Variants in PTPRU observed in about 807,000 individuals in gnomAD.
PTPRU encodes protein tyrosine phosphatase receptor type U.
In PTPRU, 69 loss-of-function variants were observed where a neutral mutation model predicts 166.3. The observed-to-expected ratio is 0.41, with a 90% CI of 0.34 to 0.51. The LOEUF (loss-of-function observed/expected upper bound fraction) is 0.51, where lower values mean the gene tolerates loss of function less well. Among genes scored for constraint, PTPRU ranks in the 20% least tolerant of loss-of-function variants. The probability of loss-of-function intolerance (pLI) is 0.09; values close to 1 mark genes in which losing one functional copy is unlikely to be tolerated. For synonymous variants in PTPRU, 793 were observed against 814.0 expected (o/e 0.97, Z 0.44); for missense variants, 1,657 against 2,013.7 (o/e 0.82, Z 3.39).
chr1:29,303,369 C>T (rs1254091241), intron 15 of PTPRU, among the ~76,000 whole-genome samples: 1 of 152,198 alleles, frequency 6.6e-6, no homozygotes, highest in Non-Finnish European at 1.5e-5. Context: ...AGGAGAAAGG[C>T]GCCTATTCGG....
At chr1:29,306,632 A>G (rs1687402215) in intron 18 of PTPRU, among the ~76,000 whole-genome samples, 1 of 152,052 alleles carries the variant, frequency 6.6e-6, no homozygotes, top group Admixed American at 6.5e-5. Context: ...GGGTGGCTGG[A>G]GAGGAGAGGG....
intron 16 of PTPRU, 46 bp from the exon 17 acceptor site, chr1:29,304,728 G>GTCCATCC: frequency 6.9e-7 from 1 of 1,451,320 alleles, no homozygotes; most frequent in Non-Finnish European, 9.5e-7. Flanking sequence ...GGGGCCCTCA[G>GTCCATCC]TGAGGGTCCC....
chr1:29,309,743 A>G (rs75978936), intron 18 of PTPRU, among the ~76,000 whole-genome samples: 3,621 of 152,290 alleles, frequency 0.024, 140 homozygotes, highest in African/African-American at 0.082. Flanking sequence ...ACAGCTAGTG[A>G]GAGGTAGAGC....
chr1:29,269,640 C>G lies in PTPRU; in HGVS notation c.1145-5808C>G, dbSNP rs112754103. 1.0e-2 allele frequency among the ~76,000 whole-genome samples: 1,516 copies of G among 152,182 alleles called. 33 individuals are homozygous for G. The highest frequency in any genetic ancestry group is 0.035 in the African/African-American group (1,433 of 41,524). On this transcript the variant is annotated intron_variant, in intron 7 of 29. Transcript: ENST00000373779. ...TGGCCGGCAGTTGTTTTGCTGTTGGCCAGCTGTGTTGTCATCTCCTCCATC... is the reference window on the plus strand; with the variant it reads ...TGGCCGGCAGTTGTTTTGCTGTTGGGCAGCTGTGTTGTCATCTCCTCCATC...
Position 29,317,667 on chromosome 1 carries a change from G to A in PTPRU, c.3514-81G>A. ...TCCATAAAATGGGATTAGTAACTCA[G>A]TCCAGCCTCCTTCATGGGGATGTGA... is the stretch of plus-strand genomic sequence containing the variant. On this transcript the variant is annotated intron_variant, in intron 24 of 29. Transcript: ENST00000373779. The surrounding 1 kb of genome is among the most constrained non-coding windows in gnomAD (Gnocchi z 5.6). The A allele has an allele frequency of 7.0e-7, 1 of 1,437,156 alleles. No individual in the cohort carries two copies. Among genetic ancestry groups the A allele is most frequent in the Non-Finnish European group, 9.4e-7 (1 of 1,061,120 alleles). The allele number at this position is 1,437,156 out of a possible 1,614,324, so 89.0% of individuals were successfully genotyped here.
intron 1 of PTPRU, among the ~76,000 whole-genome samples, chr1:29,247,584 G>A (rs538362723): frequency 6.6e-6 from 1 of 152,208 alleles, no homozygotes; most frequent in Non-Finnish European, 1.5e-5. Context: ...TATGTCGCAG[G>A]GTGTCTGTGG....
intron 7 of PTPRU, among the ~76,000 whole-genome samples, chr1:29,273,465 C>T (rs1370466981): frequency 6.6e-6 from 1 of 152,128 alleles, no homozygotes; most frequent in East Asian, 1.9e-4. Flanking sequence ...GATGGGTCTT[C>T]TCCATGTTGG....
chr1:29,316,864 G>A (rs905280397), intron 24 of PTPRU, among the ~76,000 whole-genome samples: 1 of 152,116 alleles, frequency 6.6e-6, no homozygotes, highest in South Asian at 2.1e-4. Context: ...ACATGCCCAA[G>A]GCCTGGCTCT....
chr1:29,303,319 G>A (rs967080761), intron 15 of PTPRU, among the ~76,000 whole-genome samples: 2 of 152,232 alleles, frequency 1.3e-5, no homozygotes, highest in Middle Eastern at 3.2e-3. Context: ...TCCCCCACTG[G>A]CTGCGGCCCC....
chr1:29,277,453 C>T (rs576061977), intron 8 of PTPRU, among the ~76,000 whole-genome samples: 14 of 152,136 alleles, frequency 9.2e-5, no homozygotes, highest in Non-Finnish European at 1.6e-4. Context: ...TAGGTTAATT[C>T]CACTGTAGTC....
At chr1:29,278,469 G>A (rs544619825) in intron 8 of PTPRU, among the ~76,000 whole-genome samples, 2 of 152,314 alleles carry the variant, frequency 1.3e-5, no homozygotes, top group South Asian at 4.1e-4. Context: ...AAGTGTTAAT[G>A]CTAAAATGTT....
At chr1:29,299,942 T>C (rs555926829) in intron 15 of PTPRU, among the ~76,000 whole-genome samples, 65 of 152,310 alleles carry the variant, frequency 4.3e-4, no homozygotes, top group African/African-American at 1.5e-3. Flanking sequence ...ACCAAGACTC[T>C]TGTCAGCCAG....
intron 24 of PTPRU, among the ~76,000 whole-genome samples, chr1:29,316,560 G>A (rs1687910427): frequency 6.6e-6 from 1 of 152,170 alleles, no homozygotes; most frequent in Non-Finnish European, 1.5e-5. Context: ...TGAAAAGTCT[G>A]AGGATCGTGC....
intron 7 of PTPRU, among the ~76,000 whole-genome samples, chr1:29,269,522 G>A (rs958584264): frequency 1.3e-5 from 2 of 151,834 alleles, no homozygotes; most frequent in African/African-American, 2.4e-5. Flanking sequence ...TGGGGCAGGG[G>A]CCTGGCAGAC....
chr1:29,284,670 A>C, intron 13 of PTPRU, 61 bp from the exon 14 acceptor site: 2 of 1,612,122 alleles, frequency 1.2e-6, no homozygotes, highest in South Asian at 2.2e-5. Context: ...AGCCACCTAC[A>C]GGAGGGGCTC....
Position 29,255,539 on chromosome 1 carries a change from G to A in PTPRU, c.205+133G>A, listed in dbSNP as rs377228956. Reference sequence around the variant, plus strand: ...TACATTTGCATCTTTAATGACATACGTGACACTGAATGTGGCTTTCTCTGG... The same window carrying A: ...TACATTTGCATCTTTAATGACATACATGACACTGAATGTGGCTTTCTCTGG... On this transcript the variant is annotated intron_variant, in intron 2 of 29. Coordinates refer to ENST00000373779, the MANE Select transcript of PTPRU (RefSeq NM_133178.4). 2.9e-5 allele frequency: 38 copies of A among 1,320,326 alleles called. 1 individual carries two copies. Among genetic ancestry groups the A allele is most frequent in the African/African-American group, 2.5e-4 (17 of 68,578 alleles). 81.8% of individuals were successfully genotyped at this position (1,320,326 alleles called of 1,614,324 possible).
chr1:29,325,212 C>G lies in PTPRU; in HGVS notation c.4134C>G (p.Gly1378=), dbSNP rs1226458121. 1.2e-6 allele frequency: 2 copies of G among 1,614,108 alleles called. No individual in the cohort carries two copies. Among genetic ancestry groups the G allele is most frequent in the African/African-American group, 2.7e-5 (2 of 74,940 alleles). ...TCAGAAACGGGGGAGGACGCAGCGG[C>G]ACCTTCTGCGCCTGCGCCACGGTCC... ...VHCLNGGGRS[G]TFCACATVLE... Residue 1378 remains glycine, a synonymous_variant, in exon 29 of 30, where the codon GGC becomes GGG. Coordinates refer to ENST00000373779, the MANE Select transcript of PTPRU (RefSeq NM_133178.4).
At chr1:29,265,756 TTTG>T (rs899523075) in intron 7 of PTPRU, among the ~76,000 whole-genome samples, 9 of 152,086 alleles carry the variant, frequency 5.9e-5, no homozygotes, top group East Asian at 1.9e-4. Context: ...GATTATTCTT[TTTG>T]TTGTTGTTGT....
chr1:29,261,278 G>A (rs1228535671), intron 7 of PTPRU, among the ~76,000 whole-genome samples: 2 of 152,210 alleles, frequency 1.3e-5, no homozygotes, highest in Non-Finnish European at 2.9e-5. Flanking sequence ...GCTGACTCCA[G>A]AATCTGTGTT....
Sources: allele counts gnomAD v4.1 joint callset (sites outside exome capture counted in the v4.1 genomes callset), GRCh38; gene constraint gnomAD v4.1.1; non-coding constraint Gnocchi (gnomAD v3.1); transcripts MANE v1.5; gene names NCBI Gene and HGNC (gene_info 2026-07-23, HGNC 2026-07-21).